Variants in SLFN12L observed in about 807,000 individuals in gnomAD.
SLFN12L encodes the protein schlafen family member 12-like.
SLFN12L carries 34 observed loss-of-function variants against 34.8 expected under a neutral mutation model. That is an observed-to-expected ratio of 0.98 (90% CI 0.74 to 1.30). SLFN12L has a LOEUF of 1.30. SLFN12L is among the 50% of genes most tolerant of loss of function. The probability of loss-of-function intolerance (pLI) is 0.00; values close to 1 mark genes in which losing one functional copy is unlikely to be tolerated. For missense variants in SLFN12L, 703 were observed against 696.2 expected (o/e 1.01, Z -0.11); for synonymous variants, 259 against 247.5 (o/e 1.05, Z -0.44).
chr17:35,509,110 T>C (rs1292312716), intron 2 of SLFN12L, among the ~76,000 whole-genome samples: 46 of 152,146 alleles, frequency 3.0e-4, no homozygotes, highest in Non-Finnish European at 1.5e-5. Flanking sequence ...GGAAGTGATG[T>C]GATGACAGTG....
intron 2 of SLFN12L, chr17:35,499,246 C>A (rs748004739): frequency 3.5e-6 from 3 of 869,380 alleles, no homozygotes; most frequent in South Asian, 3.2e-5. Context: ...TTACCAAACA[C>A]GACATATCTT....
rs140451882 is a variant in SLFN12L, at chr17:35,484,946, T to C, written c.87-4751A>G. ...TCTATTCAGATTTTCTGTTTTTTCCTGACTCAGTGTTGGTAGGTGATGTGT... is the reference window on the plus strand; with the variant it reads ...TCTATTCAGATTTTCTGTTTTTTCCCGACTCAGTGTTGGTAGGTGATGTGT... On this transcript the variant is annotated intron_variant, in intron 2 of 4. Transcript: ENST00000628453. Among the ~76,000 whole-genome samples, 200 of 152,374 alleles carry C rather than the reference T, an allele frequency of 1.3e-3. 1 individual carries two copies. The highest frequency in any genetic ancestry group is 4.5e-3 in the African/African-American group (187 of 41,584).
At chr17:35,535,679 G>A (rs2072454038) in intron 1 of SLFN12L, among the ~76,000 whole-genome samples, 1 of 151,732 alleles carries the variant, frequency 6.6e-6, no homozygotes, top group African/African-American at 2.4e-5. Flanking sequence ...TTTTTGAGAT[G>A]GATTCTTGCT....
At chr17:35,503,087 G>A (rs1915356352) in intron 2 of SLFN12L, among the ~76,000 whole-genome samples, 1 of 152,192 alleles carries the variant, frequency 6.6e-6, no homozygotes, top group Non-Finnish European at 1.5e-5. Flanking sequence ...CTATTGAAGA[G>A]ACAGTTTTGT....
At chr17:35,516,282 T>G (rs769688251) in intron 2 of SLFN12L, among the ~76,000 whole-genome samples, 1 of 152,178 alleles carries the variant, frequency 6.6e-6, no homozygotes, top group African/African-American at 2.4e-5. Flanking sequence ...CCTCTAAGAT[T>G]CTTCATTCCA....
intron 2 of SLFN12L, among the ~76,000 whole-genome samples, chr17:35,491,416 C>T (rs1914833465): frequency 6.6e-6 from 1 of 152,180 alleles, no homozygotes; most frequent in Non-Finnish European, 1.5e-5. Context: ...AATTAATAAA[C>T]AAATTGTCTA....
intron 2 of SLFN12L, among the ~76,000 whole-genome samples, chr17:35,488,125 CG>C (rs1306496270): frequency 2.0e-5 from 3 of 152,190 alleles, no homozygotes; most frequent in Non-Finnish European, 2.9e-5. Flanking sequence ...AGGAGAATGG[CG>C]TGAACCCCGG....
At chr17:35,536,851 TG>T (rs1251982863) in intron 1 of SLFN12L, among the ~76,000 whole-genome samples, 1 of 150,252 alleles carries the variant, frequency 6.7e-6, no homozygotes, top group Non-Finnish European at 1.5e-5. Context: ...CTTTTCATAG[TG>T]ATGAAGCAAT....
chr17:35,530,508 G>GAAAGAAAGAAAGAAAGAAAAGA (rs1555545979), intron 1 of SLFN12L, among the ~76,000 whole-genome samples: 1 of 32,712 alleles, frequency 3.1e-5, no homozygotes, highest in Admixed American at 2.9e-4. Flanking sequence ...AAGAAAGAAA[G>GAAAGAAAGAAAGAAAGAAAAGA]AAAGAAAAGA....
At position 35,474,812 on chromosome 17, in the gene SLFN12L, A is replaced by C; in HGVS notation, c.*111T>G. 2 of 1,113,974 alleles carry C rather than the reference A, an allele frequency of 1.8e-6. No individual in the cohort carries two copies. Among genetic ancestry groups the C allele is most frequent in the Non-Finnish European group, 2.5e-6 (2 of 811,588 alleles). The allele number at this position is 1,113,974 out of a possible 1,614,324, so 69.0% of individuals were successfully genotyped here. A position where few individuals can be genotyped will look rare whatever the true frequency, so the allele number is the denominator to read the frequency against. ...CCAGGTGTGGTGGCAGGCACATGTAATCCCAGCTACTCGGGAGGCTGAGGC... is the reference window on the plus strand; with the variant it reads ...CCAGGTGTGGTGGCAGGCACATGTACTCCCAGCTACTCGGGAGGCTGAGGC... On this transcript the variant is annotated 3_prime_UTR_variant, in exon 5 of 5. Transcript: ENST00000628453.
chr17:35,509,855 G>A (rs889423431), intron 2 of SLFN12L, among the ~76,000 whole-genome samples: 4 of 151,910 alleles, frequency 2.6e-5, no homozygotes, highest in African/African-American at 4.8e-5. Flanking sequence ...CTGCCACCAC[G>A]CCTGGCTAAT....
chr17:35,498,380 CG>C, intron 2 of SLFN12L: 1 of 1,131,014 alleles, frequency 8.8e-7, no homozygotes, highest in South Asian at 1.2e-5. Flanking sequence ...CTCATTGTGC[CG>C]ACATAGTGTC....
chr17:35,471,136 CTTT>C lies in SLFN12L; in HGVS notation c.*3784_*3786del, dbSNP rs57980615. ...GCAATAAACATATGTGTGCATGTGTCTTTTTTTTTTTTTTTCTGAGACAGAGTT... is the reference window on the plus strand; with the variant it reads ...GCAATAAACATATGTGTGCATGTGTCTTTTTTTTTTTTCTGAGACAGAGTT... On this transcript the variant is annotated 3_prime_UTR_variant, in exon 5 of 5. Transcript: ENST00000628453. Among the ~76,000 whole-genome samples the C allele has an allele frequency of 2.4e-3, 348 of 142,550 alleles. No individual in the cohort carries two copies. The highest frequency in any genetic ancestry group is 6.0e-3 in the African/African-American group (230 of 38,364). The allele number at this position is 142,550 out of a possible 152,430, so 93.5% of individuals were successfully genotyped here. A position where few individuals can be genotyped will look rare whatever the true frequency, so the allele number is the denominator to read the frequency against.
At chr17:35,490,562 C>A (rs959213321) in intron 2 of SLFN12L, 4 of 829,480 alleles carry the variant, frequency 4.8e-6, no homozygotes, top group Non-Finnish European at 8.5e-6. Context: ...AGTCTGTCTG[C>A]GGATGGGGGC....
rs1913753654 is a variant in SLFN12L at position 35,468,677 on chromosome 17, T to C, written c.*6246A>G. On this transcript the variant is annotated 3_prime_UTR_variant, in exon 5 of 5. Transcript: ENST00000628453. ...CCAAAACATACACCCCGCACTCCTA[T>C]GCCTGAAGGAAAATTTAATAGTAGT... 6.6e-6 allele frequency among the ~76,000 whole-genome samples: 1 copy of C among 152,168 alleles called. No homozygotes were observed. Among genetic ancestry groups the C allele is most frequent in the African/African-American group, 2.4e-5 (1 of 41,442 alleles).
chr17:35,496,302 C>A (rs1915071422), intron 2 of SLFN12L, among the ~76,000 whole-genome samples: 1 of 152,016 alleles, frequency 6.6e-6, no homozygotes, highest in Admixed American at 6.6e-5. Flanking sequence ...CAGCCGTGAT[C>A]GCGCCACTGC....
intron 1 of SLFN12L, 61 bp from the exon 2 acceptor site, chr17:35,523,030 T>C: frequency 2.6e-6 from 1 of 382,992 alleles, no homozygotes; most frequent in South Asian, 7.5e-5. Context: ...TTATGACAAT[T>C]AGTTATAATT....
intron 1 of SLFN12L, among the ~76,000 whole-genome samples, chr17:35,530,331 G>A (rs1287028033): frequency 7.1e-6 from 1 of 141,332 alleles, no homozygotes; most frequent in East Asian, 2.0e-4. Context: ...TGGTGACAGA[G>A]TGAGACTCTG....
At chr17:35,490,033 C>T (rs1914768036) in intron 2 of SLFN12L, 11 of 1,601,756 alleles carry the variant, frequency 6.9e-6, no homozygotes, top group Non-Finnish European at 7.7e-6. Context: ...CGAACACTTC[C>T]ACCACCTCCT....
Sources: gnomAD v4.1 joint callset for allele counts (sites outside exome capture counted in the v4.1 genomes callset) on GRCh38, gnomAD v4.1.1 for gene constraint, MANE v1.5 for transcripts, NCBI Gene and HGNC (gene_info 2026-07-23, HGNC 2026-07-21) for gene names.